Variants in PDE4B observed in about 807,000 individuals in gnomAD.
PDE4B encodes 3',5'-cyclic-AMP phosphodiesterase 4B.
In PDE4B, 20 loss-of-function variants were observed where a neutral mutation model predicts 82.2. That is an observed-to-expected ratio of 0.24 (90% CI 0.17 to 0.35). PDE4B has a LOEUF of 0.35. PDE4B is among the 10% of genes least tolerant of loss of function. The probability of loss-of-function intolerance (pLI) is 1.00; values close to 1 mark genes in which losing one functional copy is unlikely to be tolerated. For synonymous variants in PDE4B, 320 were observed against 318.9 expected (o/e 1.00, Z -0.04); for missense variants, 655 against 907.2 (o/e 0.72, Z 3.57).
chr1:66,155,273 C>T (rs918023698), intron 3 of PDE4B, among the ~76,000 whole-genome samples: 1 of 151,894 alleles, frequency 6.6e-6, no homozygotes, highest in Admixed American at 6.6e-5. Context: ...AGACTCATTC[C>T]ATTTTCCTCT....
At chr1:65,895,790 G>A (rs1335366642) in intron 1 of PDE4B, among the ~76,000 whole-genome samples, 4 of 151,004 alleles carry the variant, frequency 2.6e-5, no homozygotes, top group East Asian at 1.9e-4. Context: ...TGAAACAGGA[G>A]AAGTTACAGA....
intron 3 of PDE4B, among the ~76,000 whole-genome samples, chr1:65,956,035 T>C (rs1027656365): frequency 2.6e-5 from 4 of 152,148 alleles, no homozygotes; most frequent in Non-Finnish European, 5.9e-5. Flanking sequence ...TGATAGCTGC[T>C]GGGATATTTT....
intron 3 of PDE4B, among the ~76,000 whole-genome samples, chr1:66,102,968 A>G (rs948577099): frequency 3.3e-4 from 50 of 152,250 alleles, no homozygotes; most frequent in African/African-American, 1.2e-3. Context: ...TAAGGAAATT[A>G]ATTATATAAA....
intron 1 of PDE4B, among the ~76,000 whole-genome samples, chr1:65,829,822 A>G (rs1646061524): frequency 6.6e-6 from 1 of 152,210 alleles, no homozygotes; most frequent in Non-Finnish European, 1.5e-5. Flanking sequence ...GTATTAGGTT[A>G]TAGTCAGAGA....
Position 66,361,753 on chromosome 1 carries a change from G to A in PDE4B, c.980G>A (p.Arg327His), listed in dbSNP as rs777377398. 3.1e-6 allele frequency: 5 copies of A among 1,612,912 alleles called. No individual in the cohort carries two copies. Among genetic ancestry groups the A allele is most frequent in the East Asian group, 2.2e-5 (1 of 44,870 alleles). ...SSSLNNTSIS[R>H]FGVNTENEDH... ...AGCCTAAACAATACAAGCATCTCAC[G>A]CTTTGGAGTCAACACTGAAAATGAA... Residue 327 changes from arginine (R) to histidine (H), a missense_variant, in exon 10 of 17, where the codon CGC becomes CAC. This residue lies in a region of PDE4B where 283 missense variants were observed against 516.4 expected (regional missense o/e 0.55). Transcript: ENST00000341517.
At chr1:65,843,365 CA>C (rs1646230552) in intron 1 of PDE4B, among the ~76,000 whole-genome samples, 1 of 152,074 alleles carries the variant, frequency 6.6e-6, no homozygotes. Flanking sequence ...CTGGATACTC[CA>C]ATACCTATAT....
chr1:66,300,957 GATTAAGCT>G (rs1404836954), intron 7 of PDE4B, among the ~76,000 whole-genome samples: 6 of 152,184 alleles, frequency 3.9e-5, no homozygotes, highest in Non-Finnish European at 8.8e-5. Flanking sequence ...GAGCTCTGAA[GATTAAGCT>G]ATTAATATCA....
At chr1:66,349,052 A>T (rs1160688012) in intron 8 of PDE4B, among the ~76,000 whole-genome samples, 1 of 152,162 alleles carries the variant, frequency 6.6e-6, no homozygotes, top group East Asian at 1.9e-4. Flanking sequence ...GGACAGCAGA[A>T]AAGGGTTAGA....
chr1:66,240,947 C>T (rs1271643547), intron 3 of PDE4B, among the ~76,000 whole-genome samples: 2 of 152,274 alleles, frequency 1.3e-5, no homozygotes, highest in Non-Finnish European at 2.9e-5. Flanking sequence ...AAGTAGAAGC[C>T]GGATCCCTAG....
chr1:66,308,971 A>C (rs1469431252), intron 7 of PDE4B, among the ~76,000 whole-genome samples: 1 of 152,172 alleles, frequency 6.6e-6, no homozygotes, highest in East Asian at 1.9e-4. Context: ...AAGGTTCAAA[A>C]TTTAGTGCAA....
intron 3 of PDE4B, among the ~76,000 whole-genome samples, chr1:66,049,971 A>G (rs549342209): frequency 6.6e-6 from 1 of 152,202 alleles, no homozygotes; most frequent in South Asian, 2.1e-4. Flanking sequence ...AATAAATAAT[A>G]CATTTAAAAC....
At chr1:66,173,493 G>A (rs558720761) in intron 3 of PDE4B, among the ~76,000 whole-genome samples, 19 of 152,170 alleles carry the variant, frequency 1.2e-4, no homozygotes, top group Non-Finnish European at 2.4e-4. Flanking sequence ...TGCTAAACCC[G>A]CAAGAGTCTA....
At chr1:66,056,528 CTATCATCTATCT>C (rs1264071886) in intron 3 of PDE4B, among the ~76,000 whole-genome samples, 20 of 105,398 alleles carry the variant, frequency 1.9e-4, no homozygotes, top group African/African-American at 6.7e-4. Flanking sequence ...ATCTATCTAT[CTATCATCTATCT>C]ATCTATCTAT....
intron 3 of PDE4B, among the ~76,000 whole-genome samples, chr1:65,948,198 C>G (rs925138743): frequency 9.2e-5 from 14 of 151,700 alleles, no homozygotes; most frequent in African/African-American, 3.4e-4. Context: ...CAAAGGCCCA[C>G]CCGTACCCAT....
intron 3 of PDE4B, among the ~76,000 whole-genome samples, chr1:66,109,113 T>G (rs1226311508): frequency 6.6e-6 from 1 of 151,988 alleles, no homozygotes; most frequent in African/African-American, 2.4e-5. Context: ...GTAACTAGGA[T>G]GTAGAGCCTG....
intron 3 of PDE4B, among the ~76,000 whole-genome samples, chr1:66,142,942 T>C (rs1413040190): frequency 6.6e-6 from 1 of 152,152 alleles, no homozygotes; most frequent in Non-Finnish European, 1.5e-5. Flanking sequence ...GTGGGTAATA[T>C]AGAGTAAGCT....
chr1:66,015,324 G>T (rs192907982), intron 3 of PDE4B, among the ~76,000 whole-genome samples: 12 of 152,222 alleles, frequency 7.9e-5, no homozygotes, highest in African/African-American at 2.9e-4. Context: ...CTACTTACAG[G>T]AGAAAGATGC....
intron 3 of PDE4B, among the ~76,000 whole-genome samples, chr1:66,016,530 G>T (rs1175013638): frequency 4.6e-5 from 7 of 152,020 alleles, no homozygotes; most frequent in African/African-American, 7.2e-5. Flanking sequence ...ATATATTAGA[G>T]ATAAAAATTG....
chr1:66,106,662 C>G (rs1186133152), intron 3 of PDE4B, among the ~76,000 whole-genome samples: 4 of 151,970 alleles, frequency 2.6e-5, no homozygotes, highest in Admixed American at 6.6e-5. Flanking sequence ...CTGGTTTGGT[C>G]TTGGGAGGGC....
Sources: allele counts gnomAD v4.1 joint callset (sites outside exome capture counted in the v4.1 genomes callset), GRCh38; gene constraint gnomAD v4.1.1; regional missense constraint gnomAD v4.1.1; transcripts MANE v1.5; gene names NCBI Gene and HGNC (gene_info 2026-07-23, HGNC 2026-07-21).